SLCO1B3: variants seen among roughly 807,000 people sequenced by gnomAD.
SLCO1B3 encodes liver-specific organic anion transporter 2.
Under a neutral mutation model 71.8 loss-of-function variants are expected in SLCO1B3, and 72 were observed. The ratio of observed to expected loss-of-function variants is 1.00; its 90% CI spans 0.83 to 1.22. The LOEUF (loss-of-function observed/expected upper bound fraction) is 1.22, where lower values mean the gene tolerates loss of function less well. Ranked by LOEUF, SLCO1B3 falls within the 50% of genes most tolerant of loss-of-function variation. The probability of loss-of-function intolerance (pLI) is 0.00; values close to 1 mark genes in which losing one functional copy is unlikely to be tolerated. For synonymous variants in SLCO1B3, 298 were observed against 278.4 expected, an observed-to-expected ratio of 1.07 and a Z score of -0.70; for missense variants, 911 against 819.7, an observed-to-expected ratio of 1.11 and a Z score of -1.36.
In SLCO1B3 at chr12:20,916,368, A is replaced by G. The variant is rs1186088841; in HGVS notation, c.*121A>G. The stretch of plus-strand genomic sequence containing the variant: ...GTCTATGCATCTATAATAAACTATA[A>G]AAAATGGGAGTACCCATGGTTAGGA... On this transcript the variant is annotated 3_prime_UTR_variant, in exon 16 of 16. Coordinates refer to ENST00000381545, the MANE Select transcript of SLCO1B3 (RefSeq NM_019844.4). 4.4e-6 allele frequency: 4 copies of G among 908,252 alleles called. No individual in the cohort carries two copies. The Admixed American group carries it at 9.9e-5, about 23-fold the overall frequency. 56.3% of individuals were successfully genotyped at this position (908,252 alleles called of 1,614,324 possible).
chr12:20,854,885 T>G, intron 3 of SLCO1B3, 143 bp from the exon 4 acceptor site: 1 of 734,784 alleles, frequency 1.4e-6, no homozygotes, highest in Non-Finnish European at 2.2e-6. Flanking sequence ...CTGAGAAGTT[T>G]CAACTTGTAT....
At chr12:20,814,860 G>A (rs1450924467) in intron 2 of SLCO1B3, among the ~76,000 whole-genome samples, 1 of 149,858 alleles carries the variant, frequency 6.7e-6, no homozygotes, top group South Asian at 2.1e-4. Flanking sequence ...TCACGCTACT[G>A]CCCTCCAGCC....
At chr12:20,894,134 T>A (rs942260636) in intron 13 of SLCO1B3, among the ~76,000 whole-genome samples, 6 of 152,288 alleles carry the variant, frequency 3.9e-5, no homozygotes, top group Non-Finnish European at 8.8e-5. Flanking sequence ...AGAGGATCAA[T>A]GTAAATGAAA....
At chr12:20,842,126 C>T (rs1214024664) in intron 3 of SLCO1B3, among the ~76,000 whole-genome samples, 1 of 152,082 alleles carries the variant, frequency 6.6e-6, no homozygotes, top group East Asian at 1.9e-4. Context: ...GAACTCCTGA[C>T]CTCGTGATCC....
At chr12:20,896,536 C>G (rs1253255573) in intron 13 of SLCO1B3, among the ~76,000 whole-genome samples, 1 of 152,196 alleles carries the variant, frequency 6.6e-6, no homozygotes, top group Non-Finnish European at 1.5e-5. Context: ...AGTTCCTTAT[C>G]TCCATCTGAG....
At chr12:20,838,114 T>A (rs75867473) in intron 3 of SLCO1B3, among the ~76,000 whole-genome samples, 3,085 of 151,964 alleles carry the variant, frequency 0.02, 108 homozygotes, top group African/African-American at 0.07. Flanking sequence ...AATTTCCTTT[T>A]GCTTTTCTTT....
At chr12:20,823,525 C>G (rs1864361619) in intron 3 of SLCO1B3, among the ~76,000 whole-genome samples, 2 of 152,148 alleles carry the variant, frequency 1.3e-5, no homozygotes, top group Admixed American at 1.3e-4. Flanking sequence ...AACAGAAAAT[C>G]ATAGTAGGAC....
chr12:20,883,117 A>G (rs1865723984), intron 12 of SLCO1B3, among the ~76,000 whole-genome samples: 1 of 152,136 alleles, frequency 6.6e-6, no homozygotes, highest in Non-Finnish European at 1.5e-5. Context: ...AGTCCCTAAT[A>G]CTTAGAACCT....
At chr12:20,915,735 C>CTT (rs1473343532) in intron 15 of SLCO1B3, among the ~76,000 whole-genome samples, 3 of 152,056 alleles carry the variant, frequency 2.0e-5, no homozygotes, top group Non-Finnish European at 4.4e-5. Context: ...AATGAGATGG[C>CTT]TTGAGGGGGC....
At chr12:20,887,203 A>G (rs955740660) in intron 13 of SLCO1B3, among the ~76,000 whole-genome samples, 2 of 152,068 alleles carry the variant, frequency 1.3e-5, no homozygotes, top group Non-Finnish European at 2.9e-5. Flanking sequence ...TCTTTTTAAT[A>G]AAATGATTTC....
intron 13 of SLCO1B3, among the ~76,000 whole-genome samples, chr12:20,886,571 A>G (rs1414846845): frequency 6.6e-6 from 1 of 152,088 alleles, no homozygotes; most frequent in Admixed American, 6.6e-5. Context: ...TGAATAAAGA[A>G]ACTATGTCAA....
intron 15 of SLCO1B3, among the ~76,000 whole-genome samples, chr12:20,905,722 T>C (rs547593741): frequency 3.3e-5 from 5 of 152,322 alleles, no homozygotes; most frequent in African/African-American, 1.2e-4. Flanking sequence ...TCATTGTCCA[T>C]ATCACTAGCA....
intron 8 of SLCO1B3, among the ~76,000 whole-genome samples, chr12:20,868,497 A>G (rs1278486747): frequency 6.6e-6 from 1 of 152,144 alleles, no homozygotes; most frequent in Non-Finnish European, 1.5e-5. Flanking sequence ...CCCCTTTCCC[A>G]CAACCACTGG....
At chr12:20,895,680 C>T (rs567822690) in intron 13 of SLCO1B3, among the ~76,000 whole-genome samples, 15 of 152,212 alleles carry the variant, frequency 9.9e-5, no homozygotes, top group South Asian at 2.1e-4. Flanking sequence ...TGCAAGCTGT[C>T]GGTGGATCTA....
intron 3 of SLCO1B3, among the ~76,000 whole-genome samples, chr12:20,816,230 A>T (rs1476003510): frequency 1.3e-5 from 2 of 152,188 alleles, no homozygotes; most frequent in Non-Finnish European, 2.9e-5. Context: ...ACTTTATTTT[A>T]AAAGGTACAG....
chr12:20,883,563 C>T lies in SLCO1B3; in HGVS notation c.1643C>T (p.Ser548Phe). 6.2e-7 allele frequency: 1 copy of T among 1,600,558 alleles called. No individual in the cohort carries two copies. The highest frequency in any genetic ancestry group is 8.5e-7 in the Non-Finnish European group (1 of 1,175,456). ...ATTCAAGTCATAAACTCTTTGTTCTCTGCAACAGGAGGTACCACATTTATC... is the reference window on the plus strand; with the variant it reads ...ATTCAAGTCATAAACTCTTTGTTCTTTGCAACAGGAGGTACCACATTTATC... ...VAIQVINSLFSATGGTTFILL... is the reference protein window; with the variant it reads ...VAIQVINSLFFATGGTTFILL... Residue 548 changes from serine (S) to phenylalanine (F), a missense_variant, in exon 13 of 16, where the codon TCT (serine) becomes TTT (phenylalanine). By Grantham distance (155) the Ser-to-Phe change is radical (BLOSUM62 -2). Coordinates refer to ENST00000381545, the MANE Select transcript of SLCO1B3 (RefSeq NM_019844.4).
chr12:20,881,828 A>G (rs1865699954), intron 12 of SLCO1B3, among the ~76,000 whole-genome samples: 1 of 152,116 alleles, frequency 6.6e-6, no homozygotes, highest in Non-Finnish European at 1.5e-5. Flanking sequence ...CCCTATTACC[A>G]ACATTAGCAA....
intron 3 of SLCO1B3, among the ~76,000 whole-genome samples, chr12:20,839,616 T>C (rs867345590): frequency 2.6e-5 from 4 of 152,106 alleles, no homozygotes; most frequent in Non-Finnish European, 5.9e-5. Flanking sequence ...TTTGTGTAGT[T>C]TGAAAATGAT....
At chr12:20,885,841 A>C (rs1468139679) in intron 13 of SLCO1B3, among the ~76,000 whole-genome samples, 1 of 152,054 alleles carries the variant, frequency 6.6e-6, no homozygotes, top group Non-Finnish European at 1.5e-5. Context: ...GTGTGTTCAG[A>C]AGCCCCAGAG....
Sources: gnomAD v4.1 joint callset for allele counts (sites outside exome capture counted in the v4.1 genomes callset) on GRCh38, gnomAD v4.1.1 for gene constraint, MANE v1.5 for transcripts, NCBI Gene and HGNC (gene_info 2026-07-23, HGNC 2026-07-21) for gene names.